The following PCDH11X variants were observed in gnomAD, a reference collection of about 807,000 sequenced individuals.
PCDH11X encodes the protein protocadherin 11 X-linked.
Under a neutral mutation model 53.3 loss-of-function variants are expected in PCDH11X, and 18 were observed. That is an observed-to-expected ratio of 0.34 (90% CI 0.23 to 0.50). The LOEUF is 0.50. Among genes scored for constraint, PCDH11X ranks in the 20% least tolerant of loss-of-function variants. PCDH11X has a pLI of 0.98. For synonymous variants in PCDH11X, 279 were observed against 393.3 expected (o/e 0.71, Z 3.44); for missense variants, 570 against 1,032.4 (o/e 0.55, Z 6.14).
At chrX:92,584,529 T>C (rs1207297434) in intron 10 of PCDH11X, among the ~76,000 whole-genome samples, 2 of 110,927 alleles carry the variant, frequency 1.8e-5, no homozygotes, top group Admixed American at 1.9e-4. Flanking sequence ...GACACATTTA[T>C]TGAAAGGCAG....
chrX:91,983,305 G>A (rs1158308577), intron 6 of PCDH11X: 9 of 961,994 alleles, frequency 9.4e-6, no homozygotes, highest in African/African-American at 1.9e-5. Context: ...ACGTCAGGCC[G>A]TACTCAGTCC....
chrX:92,469,947 C>T (rs1481985970), intron 10 of PCDH11X, among the ~76,000 whole-genome samples: 1 of 106,424 alleles, frequency 9.4e-6, no homozygotes, highest in East Asian at 3.0e-4. Flanking sequence ...TGAAGAATGT[C>T]GTGATTATTT....
intron 8 of PCDH11X, among the ~76,000 whole-genome samples, chrX:92,379,612 C>T (rs898444265): frequency 1.8e-5 from 2 of 110,729 alleles, no homozygotes; most frequent in African/African-American, 6.6e-5. Flanking sequence ...TCCCACCTTC[C>T]GGTCAGAGAA....
At chrX:91,808,419 C>T (rs189281471) in intron 1 of PCDH11X, among the ~76,000 whole-genome samples, 58 of 108,832 alleles carry the variant, frequency 5.3e-4, no homozygotes, top group South Asian at 2.9e-3. Flanking sequence ...TGCTTGAACC[C>T]GGGAGACGGA....
intron 6 of PCDH11X, among the ~76,000 whole-genome samples, chrX:92,009,823 C>T (rs946603608): frequency 3.7e-5 from 4 of 107,297 alleles, no homozygotes; most frequent in African/African-American, 1.4e-4. Context: ...CTCCCTCAGC[C>T]TCCCAAGTAG....
At chrX:92,478,843 C>T (rs1422951917) in intron 10 of PCDH11X, among the ~76,000 whole-genome samples, 2 of 110,802 alleles carry the variant, frequency 1.8e-5, no homozygotes, top group South Asian at 3.8e-4. Context: ...GAATAATGTA[C>T]ATTCTGTGGT....
intron 6 of PCDH11X, among the ~76,000 whole-genome samples, chrX:92,125,795 C>T (rs1379026136): frequency 9.1e-6 from 1 of 110,095 alleles, no homozygotes; most frequent in South Asian, 3.9e-4. Flanking sequence ...CTATTCCTTC[C>T]CCCTCCCTCC....
intron 6 of PCDH11X, among the ~76,000 whole-genome samples, chrX:91,892,009 A>AGG (rs1243081660): frequency 7.3e-5 from 5 of 68,230 alleles, no homozygotes; most frequent in African/African-American, 2.3e-4. Context: ...TAATAATTAG[A>AGG]GGGGTGTGTG....
At chrX:92,368,639 A>G (rs938435977) in intron 8 of PCDH11X, among the ~76,000 whole-genome samples, 1 of 111,479 alleles carries the variant, frequency 9.0e-6, no homozygotes, top group Non-Finnish European at 1.9e-5. Flanking sequence ...GGATTTATCT[A>G]CCTTTGATCT....
chrX:91,869,691 A>G (rs751518890), intron 5 of PCDH11X, among the ~76,000 whole-genome samples: 1 of 111,203 alleles, frequency 9.0e-6, no homozygotes, highest in East Asian at 2.8e-4. Context: ...GATTAAAATT[A>G]CATGCTTGAA....
At chrX:92,457,757 A>G (rs751764297) in intron 9 of PCDH11X, among the ~76,000 whole-genome samples, 1 of 110,096 alleles carries the variant, frequency 9.1e-6, no homozygotes, top group South Asian at 3.8e-4. Flanking sequence ...ATTTTGTAGC[A>G]CATTTTAAAG....
intron 6 of PCDH11X, among the ~76,000 whole-genome samples, chrX:91,985,521 T>G (rs2062215572): frequency 8.9e-6 from 1 of 111,769 alleles, no homozygotes; most frequent in Admixed American, 9.5e-5. Context: ...AGTAAATAAA[T>G]AAAAATAAAA....
At chrX:92,551,989 G>GTT (rs56334896) in intron 10 of PCDH11X, among the ~76,000 whole-genome samples, 983 of 76,118 alleles carry the variant, frequency 0.013, 20 homozygotes, top group Admixed American at 0.048. Context: ...GATTCCTCTG[G>GTT]TTTTTTTTTT....
chrX:92,105,280 A>G (rs1228661668), intron 6 of PCDH11X, among the ~76,000 whole-genome samples: 1 of 111,430 alleles, frequency 9.0e-6, no homozygotes, highest in East Asian at 2.8e-4. Context: ...GAGAGTAAAA[A>G]TAGGCCTCTT....
At chrX:92,516,542 G>A (rs1245460230) in intron 10 of PCDH11X, among the ~76,000 whole-genome samples, 2 of 111,782 alleles carry the variant, frequency 1.8e-5, no homozygotes, top group Admixed American at 9.5e-5. Context: ...AATATACAAC[G>A]CTGAGACTAG....
At chrX:91,855,987 T>C (rs921184145) in intron 5 of PCDH11X, among the ~76,000 whole-genome samples, 18 of 105,576 alleles carry the variant, frequency 1.7e-4, no homozygotes, top group Non-Finnish European at 1.4e-4. Context: ...GGATAACCTT[T>C]ATATCTTTCT....
chrX:92,198,735 C>A (rs1009428856), intron 6 of PCDH11X, among the ~76,000 whole-genome samples: 15 of 110,922 alleles, frequency 1.4e-4, no homozygotes, highest in African/African-American at 4.9e-4. Flanking sequence ...ATGAAAGCTT[C>A]CTTTGGAAGC....
intron 7 of PCDH11X, among the ~76,000 whole-genome samples, chrX:92,246,682 G>A (rs1268525959): frequency 9.0e-6 from 1 of 111,419 alleles, no homozygotes; most frequent in African/African-American, 3.3e-5. Context: ...ACTTACAGTC[G>A]ATGTGATTTT....
At chrX:91,875,139 C>T (rs1377142155) in intron 5 of PCDH11X, among the ~76,000 whole-genome samples, 1 of 110,426 alleles carries the variant, frequency 9.1e-6, no homozygotes, top group African/African-American at 3.3e-5. Context: ...CCTCCAGTAC[C>T]TTTTTATCTC....
Sources: gnomAD v4.1 joint callset for allele counts (sites outside exome capture counted in the v4.1 genomes callset) on GRCh38, gnomAD v4.1.1 for gene constraint, MANE v1.5 for transcripts, NCBI Gene and HGNC (gene_info 2026-07-23, HGNC 2026-07-21) for gene names.